MOBP: variants seen among roughly 807,000 people sequenced by gnomAD.
The protein encoded by MOBP is myelin-associated oligodendrocyte basic protein.
MOBP carries 5 observed loss-of-function variants against 15.0 expected under a neutral mutation model. That is an observed-to-expected ratio of 0.33 (90% confidence interval 0.17 to 0.70). The LOEUF (loss-of-function observed/expected upper bound fraction) is 0.70. MOBP is among the 30% of genes least tolerant of loss of function. The pLI is 0.67. For synonymous variants in MOBP, 88 were observed against 99.0 expected, an observed-to-expected ratio of 0.89 and a Z score of 0.66; for missense variants, 188 against 257.8, an observed-to-expected ratio of 0.73 and a Z score of 1.85.
chr3:39,507,505 A>G (rs2125662670), downstream of MOBP, among the ~76,000 whole-genome samples: 1 of 152,326 alleles, frequency 6.6e-6, no homozygotes, highest in Middle Eastern at 3.4e-3. Context: ...AAAAGCTGTT[A>G]GATTGTGCAA....
intron 2 of MOBP, among the ~76,000 whole-genome samples, chr3:39,486,065 TA>T (rs2042702956): frequency 6.6e-6 from 1 of 152,218 alleles, no homozygotes; most frequent in African/African-American, 2.4e-5. Flanking sequence ...TCAAGTTGTA[TA>T]AAATAATCTT....
Position 39,467,758 on chromosome 3 carries a change from G to GT in MOBP, c.-89+23dup, listed in dbSNP as rs1485872789. ...ATTTGAAGGTAAGAGGATTCCATTGGTTTTTATTTTACTTCATTTTATACT... is the reference window on the plus strand; with the variant it reads ...ATTTGAAGGTAAGAGGATTCCATTGGTTTTTTATTTTACTTCATTTTATACT... On this transcript the variant is annotated intron_variant, in intron 1 of 3. Coordinates refer to ENST00000684792, the MANE Select transcript of MOBP (RefSeq NM_001393704.1). 1.3e-5 allele frequency: 2 copies of GT among 152,118 alleles called. No individual in the cohort carries two copies. Among genetic ancestry groups the GT allele is most frequent in the Non-Finnish European group, 2.9e-5 (2 of 68,008 alleles). 9.4% of individuals were successfully genotyped at this position (152,118 alleles called of 1,614,324 possible).
intron 4 of MOBP, among the ~76,000 whole-genome samples, chr3:39,512,551 G>A (rs776299940): frequency 5.3e-5 from 8 of 152,034 alleles, no homozygotes; most frequent in African/African-American, 1.4e-4. Context: ...CTTTGCTAGC[G>A]TGATACATCA....
intron 2 of MOBP, among the ~76,000 whole-genome samples, chr3:39,485,834 C>A (rs367956402): frequency 1.3e-5 from 2 of 152,200 alleles, no homozygotes; most frequent in African/African-American, 4.8e-5. Context: ...TGCTTCCTTA[C>A]TGTCCTTTGC....
At chr3:39,523,605 ACACT>A (rs1248565175) in intron 3 of MOBP, among the ~76,000 whole-genome samples, 4 of 152,208 alleles carry the variant, frequency 2.6e-5, no homozygotes, top group African/African-American at 9.6e-5. Context: ...TTGTAAACAT[ACACT>A]CAATTTCTTG....
intron 2 of MOBP, among the ~76,000 whole-genome samples, chr3:39,484,180 G>A (rs545590027): frequency 8.5e-5 from 13 of 152,314 alleles, no homozygotes; most frequent in Admixed American, 5.2e-4. Flanking sequence ...ACCTCAGCTG[G>A]GTTGTTAAGG....
chr3:39,525,336 A>T (rs1196428578), downstream of MOBP: 2 of 152,226 alleles, frequency 1.3e-5, no homozygotes, highest in Non-Finnish European at 2.9e-5. Flanking sequence ...GCTTCTGATG[A>T]TTTCTGACTT....
intron 1 of MOBP, among the ~76,000 whole-genome samples, chr3:39,468,765 T>C (rs538074103): frequency 2.9e-5 from 4 of 136,268 alleles, no homozygotes; most frequent in South Asian, 4.6e-4. Flanking sequence ...TATACATGTG[T>C]GTGTATATAT....
chr3:39,495,699 A>G (rs4113192), intron 2 of MOBP, among the ~76,000 whole-genome samples: 39,982 of 147,170 alleles, frequency 0.27, 6,545 homozygotes, highest in African/African-American at 0.46. Flanking sequence ...GCTGCAGTGA[A>G]CTGTGATTGC....
chr3:39,503,662 AT>A (rs368938390), downstream of MOBP, among the ~76,000 whole-genome samples: 5 of 12,894 alleles, frequency 3.9e-4, no homozygotes, highest in East Asian at 5.5e-3. Flanking sequence ...CCAATTTTTT[AT>A]TTATTTATTT....
At chr3:39,474,659 C>T (rs1188505527) in intron 1 of MOBP, among the ~76,000 whole-genome samples, 1 of 152,138 alleles carries the variant, frequency 6.6e-6, no homozygotes, top group Non-Finnish European at 1.5e-5. Flanking sequence ...ATTGCTTCTC[C>T]CCATCCATTA....
At chr3:39,480,400 C>T (rs1370752517) in intron 2 of MOBP, among the ~76,000 whole-genome samples, 8 of 152,172 alleles carry the variant, frequency 5.3e-5, no homozygotes, top group South Asian at 2.1e-4. Flanking sequence ...TCATGCACAG[C>T]GGAACAGCCA....
At chr3:39,503,930 T>A (rs2043013937), downstream of MOBP, among the ~76,000 whole-genome samples, 1 of 152,152 alleles carries the variant, frequency 6.6e-6, no homozygotes, top group African/African-American at 2.4e-5. Context: ...GGGTCACCAC[T>A]AAGGCCTGGG....
At chr3:39,525,234 T>G (rs986010424), downstream of MOBP, 10 of 152,218 alleles carry the variant, frequency 6.6e-5, no homozygotes. Flanking sequence ...TGAAAGATAG[T>G]TGAAAAGCCT....
In MOBP at chr3:39,502,100, A is replaced by G; in HGVS notation, c.31A>G (p.Arg11Gly). 1 of 1,614,194 alleles carries G rather than the reference A, an allele frequency of 6.2e-7. No individual in the cohort carries two copies. The highest frequency in any genetic ancestry group is 8.5e-7 in the Non-Finnish European group (1 of 1,180,028). The change falls in exon 3 of 4, where the codon AGA becomes GGA. Residue 11 changes from arginine (R) to glycine (G), a missense_variant. By Grantham distance (125) the Arg-to-Gly change is moderately radical. Coordinates refer to ENST00000684792, the MANE Select transcript of MOBP (RefSeq NM_001393704.1). The surrounding 1 kb of genome is among the most constrained non-coding windows in gnomAD (Gnocchi z 6.3). ...TCAGAAACCGGCCAAGGAGGGTCCC[A>G]GACTCTCCAAAAACCAGAAGTACTC... Reference protein sequence around the residue: MSQKPAKEGPRLSKNQKYSEH... With the variant: MSQKPAKEGPGLSKNQKYSEH...
Position 39,487,866 on chromosome 3 carries a change from A to G in MOBP, c.-5+7743A>G, listed in dbSNP as rs530618191. ...TTGATTGTTGGTCCTTTGCCCTTCC[A>G]TCGAATCAGATCATCACATGCCACA... is the stretch of plus-strand genomic sequence containing the variant. On this transcript the variant is annotated intron_variant, in intron 2 of 3. Coordinates refer to ENST00000684792, the MANE Select transcript of MOBP (RefSeq NM_001393704.1). Among the ~76,000 whole-genome samples, 3 of 152,234 alleles carry G rather than the reference A, an allele frequency of 2.0e-5. No homozygotes were observed. The South Asian group carries it at 6.2e-4, about 32-fold the overall frequency.
downstream of MOBP, among the ~76,000 whole-genome samples, chr3:39,520,436 A>C (rs946838810): frequency 3.3e-5 from 5 of 151,918 alleles, no homozygotes; most frequent in Non-Finnish European, 7.4e-5. Flanking sequence ...TTCTGGTCTA[A>C]GTTTCTTTTT....
chr3:39,509,738 T>G (rs1006858058), intron 4 of MOBP, among the ~76,000 whole-genome samples: 2 of 152,166 alleles, frequency 1.3e-5, no homozygotes, highest in African/African-American at 4.8e-5. Flanking sequence ...ACTATCACAC[T>G]GGTCTTTAAA....
At chr3:39,476,471 A>G (rs2042547393) in intron 1 of MOBP, among the ~76,000 whole-genome samples, 1 of 152,200 alleles carries the variant, frequency 6.6e-6, no homozygotes, top group Non-Finnish European at 1.5e-5. Flanking sequence ...CTAGCAGCAC[A>G]AGTTTCATTC....
Sources: allele counts gnomAD v4.1 joint callset (sites outside exome capture counted in the v4.1 genomes callset), GRCh38; gene constraint gnomAD v4.1.1; non-coding constraint Gnocchi (gnomAD v3.1); transcripts MANE v1.5; gene names NCBI Gene and HGNC (gene_info 2026-07-23, HGNC 2026-07-21).